The following TAFA2 variants were observed in gnomAD, a reference collection of about 807,000 sequenced individuals.
TAFA2 encodes the protein TAFA chemokine like family member 2, also known as chemokine-like protein TAFA-2.
In TAFA2, 7 loss-of-function variants were observed where a neutral mutation model predicts 18.8. The ratio of observed to expected loss-of-function variants is 0.37; its 90% confidence interval spans 0.21 to 0.70. The LOEUF (loss-of-function observed/expected upper bound fraction) is 0.70, where lower values mean the gene tolerates loss of function less well. Among genes scored for constraint, TAFA2 ranks in the 30% least tolerant of loss-of-function variants. The pLI is 0.53. For missense variants in TAFA2, 122 were observed against 158.1 expected (o/e 0.77, Z 1.23); for synonymous variants, 60 against 54.2 (o/e 1.11, Z -0.47).
chr12:61,716,875 A>G (rs1173666700), intron 4 of TAFA2, among the ~76,000 whole-genome samples: 1 of 152,198 alleles, frequency 6.6e-6, no homozygotes, highest in African/African-American at 2.4e-5. Context: ...TGCATGGTCA[A>G]TCCTTTTAAG....
At chr12:61,713,035 C>T (rs1282148892) in intron 4 of TAFA2, among the ~76,000 whole-genome samples, 1 of 152,112 alleles carries the variant, frequency 6.6e-6, no homozygotes, top group African/African-American at 2.4e-5. Flanking sequence ...AAGAGAGCCA[C>T]TAAAAGTAGA....
At chr12:62,182,282 G>T (rs996557973) in intron 1 of TAFA2, among the ~76,000 whole-genome samples, 3 of 152,112 alleles carry the variant, frequency 2.0e-5, no homozygotes, top group Non-Finnish European at 2.9e-5. Context: ...CTAAATGGAA[G>T]GTTAAAAAAC....
chr12:62,204,819 A>T (rs1016270376), intron 1 of TAFA2, among the ~76,000 whole-genome samples: 1 of 152,128 alleles, frequency 6.6e-6, no homozygotes, highest in African/African-American at 2.4e-5. Context: ...TCTGAAGCCT[A>T]CTTCTGTCAA....
At chr12:62,115,901 A>G (rs1473216662) in intron 1 of TAFA2, among the ~76,000 whole-genome samples, 1 of 152,028 alleles carries the variant, frequency 6.6e-6, no homozygotes, top group Non-Finnish European at 1.5e-5. Context: ...AAATCATTTG[A>G]CCCTGTTGTT....
At chr12:61,894,424 C>G (rs958278516) in intron 1 of TAFA2, among the ~76,000 whole-genome samples, 9 of 152,180 alleles carry the variant, frequency 5.9e-5, no homozygotes, top group Admixed American at 3.3e-4. Flanking sequence ...TGCATTGGAT[C>G]TACTCCAAAA....
At chr12:62,119,839 C>T (rs1424738830) in intron 1 of TAFA2, among the ~76,000 whole-genome samples, 2 of 151,906 alleles carry the variant, frequency 1.3e-5, no homozygotes, top group African/African-American at 2.4e-5. Context: ...TTTGGGAGGC[C>T]GAGACGGTTG....
chr12:61,971,800 C>A (rs2136665784), intron 1 of TAFA2, among the ~76,000 whole-genome samples: 1 of 151,782 alleles, frequency 6.6e-6, no homozygotes, highest in South Asian at 2.1e-4. Flanking sequence ...TGCAGCAAAC[C>A]AACATGGCAC....
intron 1 of TAFA2, among the ~76,000 whole-genome samples, chr12:61,967,009 C>G (rs1194638232): frequency 6.6e-6 from 1 of 151,742 alleles, no homozygotes; most frequent in African/African-American, 2.4e-5. Flanking sequence ...GAATAATATC[C>G]ATGTTGACCT....
intron 1 of TAFA2, among the ~76,000 whole-genome samples, chr12:61,980,405 G>C (rs1487349879): frequency 6.6e-6 from 1 of 152,118 alleles, no homozygotes; most frequent in Non-Finnish European, 1.5e-5. Context: ...CACAAGACAA[G>C]GATGCCCTCT....
chr12:62,092,498 T>C (rs1346201479), intron 1 of TAFA2, among the ~76,000 whole-genome samples: 1 of 151,980 alleles, frequency 6.6e-6, no homozygotes, highest in African/African-American at 2.4e-5. Flanking sequence ...TTAGCCTTCA[T>C]ATTCCTTGAC....
At chr12:61,767,058 T>C (rs938369069) in intron 2 of TAFA2, among the ~76,000 whole-genome samples, 2 of 152,120 alleles carry the variant, frequency 1.3e-5, no homozygotes, top group African/African-American at 4.8e-5. Context: ...TATATGATGG[T>C]AGGGCATTTA....
At chr12:62,177,025 G>A (rs910731055) in intron 1 of TAFA2, among the ~76,000 whole-genome samples, 2 of 152,228 alleles carry the variant, frequency 1.3e-5, no homozygotes, top group Admixed American at 6.5e-5. Context: ...ATTGCTGTGT[G>A]AGTTTAAAAA....
intron 1 of TAFA2, among the ~76,000 whole-genome samples, chr12:62,023,962 G>A (rs776394804): frequency 4.4e-4 from 67 of 152,284 alleles, no homozygotes; most frequent in Non-Finnish European, 7.9e-4. Context: ...GTGAAAAGTC[G>A]AAAGTTTAGA....
intron 1 of TAFA2, among the ~76,000 whole-genome samples, chr12:62,212,725 T>C (rs1592403406): frequency 6.6e-6 from 1 of 152,354 alleles, no homozygotes; most frequent in East Asian, 1.9e-4. Flanking sequence ...TGAAAAATCC[T>C]CTTTTTTATT....
chr12:61,880,307 G>A (rs918824262), intron 1 of TAFA2: 3 of 482,100 alleles, frequency 6.2e-6, no homozygotes, highest in African/African-American at 3.9e-5. Flanking sequence ...AGGCCAGAGG[G>A]CTTCCCTGGA....
At chr12:61,927,006 C>T (rs1030379351) in intron 1 of TAFA2, among the ~76,000 whole-genome samples, 1 of 132,718 alleles carries the variant, frequency 7.5e-6, no homozygotes, top group Non-Finnish European at 1.6e-5. Flanking sequence ...ACCCAGGGGG[C>T]GGAGGTTGCA....
At chr12:61,921,404 G>C (rs1877047684) in intron 1 of TAFA2, among the ~76,000 whole-genome samples, 1 of 152,134 alleles carries the variant, frequency 6.6e-6, no homozygotes, top group South Asian at 2.1e-4. Context: ...ATTGAATTCT[G>C]TTTTTAAGAA....
At chr12:62,053,276 T>G (rs1382818579) in intron 1 of TAFA2, among the ~76,000 whole-genome samples, 2 of 152,234 alleles carry the variant, frequency 1.3e-5, no homozygotes, top group African/African-American at 4.8e-5. Flanking sequence ...CAGTAGTATA[T>G]TTTTACTTGT....
intron 2 of TAFA2, among the ~76,000 whole-genome samples, chr12:61,847,745 A>T (rs1315287099): frequency 6.6e-6 from 1 of 152,232 alleles, no homozygotes; most frequent in African/African-American, 2.4e-5. Context: ...ACAGTGTTTC[A>T]TAACAGTGTT....
Sources: allele counts gnomAD v4.1 joint callset (sites outside exome capture counted in the v4.1 genomes callset), GRCh38; gene constraint gnomAD v4.1.1; transcripts MANE v1.5; gene names NCBI Gene and HGNC (gene_info 2026-07-23, HGNC 2026-07-21).